Variants in PDE4B observed in about 807,000 individuals in gnomAD.
The protein encoded by PDE4B is phosphodiesterase 4B.
A neutral mutation model predicts 82.2 loss-of-function variants in PDE4B; 20 were observed. The ratio of observed to expected loss-of-function variants is 0.24; its 90% confidence interval spans 0.17 to 0.35. The LOEUF is 0.35. Among genes scored for constraint, PDE4B ranks in the 10% least tolerant of loss-of-function variants. The probability of loss-of-function intolerance (pLI) is 1.00; values close to 1 mark genes in which losing one functional copy is unlikely to be tolerated. For missense variants in PDE4B, 655 were observed against 907.2 expected (o/e 0.72, Z 3.57); for synonymous variants, 320 against 318.9 (o/e 1.00, Z -0.04).
At chr1:66,101,796 G>C (rs1347195833) in intron 3 of PDE4B, among the ~76,000 whole-genome samples, 1 of 152,114 alleles carries the variant, frequency 6.6e-6, no homozygotes, top group African/African-American at 2.4e-5. Flanking sequence ...TGTTCACTCT[G>C]ATGGTAGTTT....
intron 3 of PDE4B, among the ~76,000 whole-genome samples, chr1:66,038,596 G>A (rs529681421): frequency 3.6e-4 from 54 of 152,106 alleles, no homozygotes; most frequent in Non-Finnish European, 5.9e-4. Context: ...GGTAGAAATA[G>A]GAAATGAAGT....
intron 3 of PDE4B, among the ~76,000 whole-genome samples, chr1:65,997,123 T>C (rs1651587632): frequency 1.3e-5 from 2 of 151,904 alleles, no homozygotes; most frequent in African/African-American, 4.8e-5. Flanking sequence ...CTTGAATATA[T>C]CCTGGGCCCA....
chr1:66,120,912 T>A (rs1007281380), intron 3 of PDE4B, among the ~76,000 whole-genome samples: 2 of 152,244 alleles, frequency 1.3e-5, no homozygotes, highest in African/African-American at 2.4e-5. Context: ...TCATTTTATA[T>A]GTCTCACATG....
intron 9 of PDE4B, among the ~76,000 whole-genome samples, chr1:66,357,288 A>G (rs1311864171): frequency 1.3e-5 from 2 of 152,202 alleles, no homozygotes; most frequent in Non-Finnish European, 2.9e-5. Flanking sequence ...GTCTCTTTCA[A>G]TATCTGCTTA....
intron 7 of PDE4B, among the ~76,000 whole-genome samples, chr1:66,298,465 A>G (rs1657664207): frequency 6.6e-6 from 1 of 152,178 alleles, no homozygotes; most frequent in African/African-American, 2.4e-5. Context: ...TGGGTCTTTT[A>G]CATCTTTAAG....
chr1:65,818,353 G>A (rs17128006), intron 1 of PDE4B, among the ~76,000 whole-genome samples: 4,606 of 152,140 alleles, frequency 0.03, 173 homozygotes, highest in East Asian at 0.12. Flanking sequence ...CTAGAGAGCT[G>A]TGATCTTTTC....
chr1:66,319,855 C>T (rs897275528), intron 7 of PDE4B, among the ~76,000 whole-genome samples: 3 of 152,208 alleles, frequency 2.0e-5, no homozygotes. Context: ...GCATGCTATT[C>T]TTCCATTGAG....
rs77380831 is a variant in PDE4B at position 65,965,710 on chromosome 1, A to G, written c.281+46875A>G. 5.3e-3 allele frequency among the ~76,000 whole-genome samples: 804 copies of G among 152,260 alleles called. 3 individuals are homozygous for G. Among genetic ancestry groups the G allele is most frequent in the African/African-American group, 0.018 (761 of 41,564 alleles). On this transcript the variant is annotated intron_variant, in intron 3 of 16. Transcript: ENST00000341517. ...TCAACTTTTGCCACTAGTGCTTAGC[A>G]CAGTGCATAGCGTATTATTGGCACT...
intron 3 of PDE4B, among the ~76,000 whole-genome samples, chr1:66,096,849 C>A (rs1645129791): frequency 6.6e-6 from 1 of 151,652 alleles, no homozygotes; most frequent in Admixed American, 6.6e-5. Flanking sequence ...TATAGTTTTG[C>A]CTTTTTTAGA....
intron 3 of PDE4B, among the ~76,000 whole-genome samples, chr1:66,127,514 T>C (rs1397841235): frequency 6.6e-6 from 1 of 152,158 alleles, no homozygotes; most frequent in Admixed American, 6.5e-5. Context: ...TACTAAAGTA[T>C]AGAATTTAAA....
At chr1:65,912,778 G>A (rs773934456) in intron 1 of PDE4B, among the ~76,000 whole-genome samples, 2 of 151,920 alleles carry the variant, frequency 1.3e-5, no homozygotes, top group East Asian at 1.9e-4. Flanking sequence ...GTATAAAGCA[G>A]TCATATTCTT....
intron 3 of PDE4B, among the ~76,000 whole-genome samples, chr1:65,922,519 T>C (rs938535550): frequency 6.6e-6 from 1 of 152,154 alleles, no homozygotes; most frequent in Non-Finnish European, 1.5e-5. Flanking sequence ...ATAATTTATG[T>C]CTGTGGGCAA....
At chr1:66,194,149 T>A (rs1648071495) in intron 3 of PDE4B, among the ~76,000 whole-genome samples, 1 of 152,068 alleles carries the variant, frequency 6.6e-6, no homozygotes, top group African/African-American at 2.4e-5. Context: ...AAGATTGCTA[T>A]CAAGATGTTA....
intron 3 of PDE4B, among the ~76,000 whole-genome samples, chr1:66,185,532 T>C (rs1647171587): frequency 1.3e-5 from 2 of 151,890 alleles, no homozygotes; most frequent in South Asian, 4.2e-4. Flanking sequence ...TGATTGCCAT[T>C]CTAACTGGTG....
chr1:65,799,711 C>T (rs1645673043), intron 1 of PDE4B, among the ~76,000 whole-genome samples: 1 of 152,146 alleles, frequency 6.6e-6, no homozygotes, highest in Admixed American at 6.5e-5. Flanking sequence ...CATTGGTATA[C>T]TGCAGGATTT....
At chr1:65,913,428 G>A in intron 2 of PDE4B, 72 bp downstream of exon 2, 1 of 1,414,922 alleles carries the variant, frequency 7.1e-7, no homozygotes. Context: ...CTATTCAAAG[G>A]GCAGCTGGGG....
intron 3 of PDE4B, among the ~76,000 whole-genome samples, chr1:65,961,934 T>C (rs973605742): frequency 3.9e-5 from 6 of 152,208 alleles, no homozygotes; most frequent in African/African-American, 9.7e-5. Context: ...CTGAAGAGTC[T>C]GTAGCATGCG....
At chr1:66,342,592 C>A (rs542754641) in intron 8 of PDE4B, among the ~76,000 whole-genome samples, 2 of 149,858 alleles carry the variant, frequency 1.3e-5, no homozygotes. Context: ...ATTAGCTGGG[C>A]ATGGTGGCAC....
At chr1:65,949,107 T>A (rs564648441) in intron 3 of PDE4B, among the ~76,000 whole-genome samples, 2 of 152,074 alleles carry the variant, frequency 1.3e-5, no homozygotes, top group East Asian at 1.9e-4. Flanking sequence ...ATTGGGTACA[T>A]GCTGCCACCT....
Sources: allele counts gnomAD v4.1 joint callset (sites outside exome capture counted in the v4.1 genomes callset), GRCh38; gene constraint gnomAD v4.1.1; transcripts MANE v1.5; gene names NCBI Gene and HGNC (gene_info 2026-07-23, HGNC 2026-07-21).